MORN1: variants seen among roughly 807,000 people sequenced by gnomAD.
MORN1 encodes the protein MORN repeat-containing protein 1.
A neutral mutation model predicts 61.9 loss-of-function variants in MORN1; 67 were observed. That is an observed-to-expected ratio of 1.08 (90% CI 0.89 to 1.33). The LOEUF (loss-of-function observed/expected upper bound fraction) is 1.33, where lower values mean the gene tolerates loss of function less well. Among genes scored for constraint, MORN1 ranks in the 40% most tolerant of loss-of-function variants. The pLI, the probability that MORN1 is intolerant of heterozygous loss-of-function variation, is 0.00. For missense variants in MORN1, 752 were observed against 691.2 expected, an observed-to-expected ratio of 1.09 and a Z score of -0.99; for synonymous variants, 301 against 292.0, an observed-to-expected ratio of 1.03 and a Z score of -0.31.
intron 13 of MORN1, 144 bp from the exon 14 acceptor site, chr1:2,321,723 G>T (rs989405436): frequency 8.4e-7 from 1 of 1,183,530 alleles, no homozygotes; most frequent in Non-Finnish European, 1.1e-6. Context: ...GGGATTCTTG[G>T]CACTGTAACC....
At chr1:2,387,756 G>A (rs1218990473) in intron 3 of MORN1, 2 of 557,852 alleles carry the variant, frequency 3.6e-6, no homozygotes, top group Non-Finnish European at 6.4e-6. Context: ...CTCTCTTTGG[G>A]CATCTATCCC....
chr1:2,322,318 C>T (rs1490781257), intron 13 of MORN1: 74 of 985,406 alleles, frequency 7.5e-5, no homozygotes, highest in African/African-American at 3.1e-4. Context: ...AAAAGCGCCT[C>T]GGCTGGCCCG....
intron 12 of MORN1, among the ~76,000 whole-genome samples, chr1:2,325,146 C>CCTT (rs1640988125): frequency 5.2e-5 from 1 of 19,408 alleles, no homozygotes; most frequent in Non-Finnish European, 9.8e-5. Context: ...CTCCCTCCCT[C>CCTT]CCTTCCTTCC....
Position 2,384,628 on chromosome 1 carries a change from T to C in MORN1, c.537+350A>G, listed in dbSNP as rs550258746. Among the ~76,000 whole-genome samples, 116 of 152,322 alleles carry C rather than the reference T, an allele frequency of 7.6e-4. 1 individual carries two copies. Among genetic ancestry groups the C allele is most frequent in the African/African-American group, 2.7e-3 (114 of 41,570 alleles). On this transcript the variant is annotated intron_variant, in intron 6 of 13. Coordinates refer to ENST00000378531, the MANE Select transcript of MORN1 (RefSeq NM_024848.3). ...TCGGTGGAGAAGGCCCCGCCTCAGC[T>C]GCGCCACCAGTCTTATCCCCGTGAC...
At chr1:2,342,686 G>A (rs1641420764) in intron 10 of MORN1, among the ~76,000 whole-genome samples, 1 of 151,882 alleles carries the variant, frequency 6.6e-6, no homozygotes, top group Non-Finnish European at 1.5e-5. Flanking sequence ...TGGCTCTGCT[G>A]ACCCAAGCCA....
chr1:2,332,631 T>C (rs1396665010), intron 12 of MORN1: 3 of 456,506 alleles, frequency 6.6e-6, no homozygotes, highest in South Asian at 1.5e-5. Flanking sequence ...ACGTGGCGTC[T>C]GGACATGGAA....
rs1205972500 is a variant in MORN1 at position 2,387,510 on chromosome 1, C to T, written c.267G>A (p.Gln89=). 1 of 1,612,726 alleles carries T rather than the reference C, an allele frequency of 6.2e-7. No homozygotes were observed. Among genetic ancestry groups the T allele is most frequent in the Admixed American group, 1.7e-5 (1 of 60,026 alleles). The change falls in exon 4 of 14, where the codon CAG becomes CAA. Residue 89 remains glutamine, a synonymous_variant. Coordinates refer to ENST00000378531, the MANE Select transcript of MORN1 (RefSeq NM_024848.3). ...WAWSGDTFSG[Q]FVLGEPQGYG... is the part of the protein sequence containing the mutation. ...AGCCTTGAGGCTCTCCCAGAACAAA[C>T]TGTCCAGAGAAGGTGTCTCCTGCAT...
At chr1:2,387,151 T>C in intron 4 of MORN1, 1 of 515,362 alleles carries the variant, frequency 1.9e-6, no homozygotes, top group Non-Finnish European at 3.5e-6. Context: ...CAGTGGCCAT[T>C]TTAACCCCTA....
At chr1:2,322,962 G>A (rs1343365047) in intron 13 of MORN1, 10 of 985,310 alleles carry the variant, frequency 1.0e-5, no homozygotes, top group African/African-American at 1.7e-5. Context: ...TAGGGCCTCG[G>A]CCATACGTAC....
chr1:2,340,597 C>T (rs1017890073), intron 10 of MORN1, among the ~76,000 whole-genome samples: 7 of 152,238 alleles, frequency 4.6e-5, no homozygotes, highest in Admixed American at 2.0e-4. Context: ...CTGGTCCTGT[C>T]GCCCACTGCT....
intron 5 of MORN1, 49 bp from the exon 6 acceptor site, chr1:2,385,114 G>C: frequency 6.5e-7 from 1 of 1,539,606 alleles, no homozygotes; most frequent in Non-Finnish European, 8.8e-7. Context: ...GAGCCGGGTG[G>C]TGGCAGTGAC....
At chr1:2,385,199 CAAGAGCTCCTGCCT>C in intron 5 of MORN1, 134 bp from the exon 6 acceptor site, 1 of 883,224 alleles carries the variant, frequency 1.1e-6, no homozygotes, top group Non-Finnish European at 1.7e-6. Flanking sequence ...CAGATGGCCC[CAAGAGCTCCTGCCT>C]CGCCAGGGCC....
chr1:2,344,410 T>C lies in MORN1; in HGVS notation c.1037-7560A>G, dbSNP rs1224763444. ...CCCCCACAGGGCCACATTCTCACTA[T>C]TGGGGTGGCAGGAAGGCCCAGCGAC... On this transcript the variant is annotated intron_variant, in intron 10 of 13. Transcript: ENST00000378531. Among the ~76,000 whole-genome samples, 10 of 152,140 alleles carry C rather than the reference T, an allele frequency of 6.6e-5. No homozygotes were observed. The South Asian group carries it at 1.4e-3, about 22-fold the overall frequency.
At chr1:2,346,633 G>A (rs907580049) in intron 10 of MORN1, among the ~76,000 whole-genome samples, 7 of 152,260 alleles carry the variant, frequency 4.6e-5, no homozygotes, top group South Asian at 2.1e-4. Context: ...TGATCCACCC[G>A]CCTTGACCTC....
intron 12 of MORN1, among the ~76,000 whole-genome samples, chr1:2,325,286 T>C (rs968854367): frequency 2.3e-4 from 20 of 87,336 alleles, no homozygotes; most frequent in African/African-American, 8.2e-4. Flanking sequence ...TCTCTCTCTC[T>C]CCTCTCTCTC....
intron 6 of MORN1, among the ~76,000 whole-genome samples, chr1:2,383,593 G>A (rs115217673): frequency 0.02 from 3,015 of 152,312 alleles, 39 homozygotes; most frequent in African/African-American, 0.031. Context: ...AAGCAGCCCC[G>A]AGGCTCTAAG....
In MORN1 at chr1:2,343,946, T is replaced by A. The variant is rs532229838; in HGVS notation, c.1037-7096A>T. 1.5e-4 allele frequency among the ~76,000 whole-genome samples: 5 copies of A among 33,508 alleles called. No homozygotes were observed. In the South Asian group the frequency reaches 4.9e-3, roughly 33 times the overall value. The allele number at this position is 33,508 out of a possible 152,430, so 22.0% of individuals were successfully genotyped here. A position where few individuals can be genotyped will look rare whatever the true frequency, so the allele number is the denominator to read the frequency against. The stretch of plus-strand genomic sequence containing the variant: ...CGTAGGCCTCCCCTGCTGCCAGCTG[T>A]GGGGGTGACTGAGGCGGGACTGGGC... On this transcript the variant is annotated intron_variant, in intron 10 of 13. Transcript: ENST00000378531.
At chr1:2,347,582 A>G (rs1156500261) in intron 10 of MORN1, among the ~76,000 whole-genome samples, 1 of 152,016 alleles carries the variant, frequency 6.6e-6, no homozygotes, top group Non-Finnish European at 1.5e-5. Context: ...CAGATGACTT[A>G]GAACCACCAG....
At position 2,378,788 on chromosome 1, in the gene MORN1, G is replaced by A. The variant is rs975626376; in HGVS notation, c.538-4231C>T. 7 of 381,208 alleles carry A rather than the reference G, an allele frequency of 1.8e-5. 1 individual carries two copies. The highest frequency in any genetic ancestry group is 1.2e-4 in the South Asian group (6 of 51,784). 23.6% of individuals were successfully genotyped at this position (381,208 alleles called of 1,614,324 possible). A position where few individuals can be genotyped will look rare whatever the true frequency, so the allele number is the denominator to read the frequency against. ...CTGCCCAAGCCCTCGGGTCCTGGGAGGTCGAGCAGTAAGCTGTAAACTAGG... is the reference window on the plus strand; with the variant it reads ...CTGCCCAAGCCCTCGGGTCCTGGGAAGTCGAGCAGTAAGCTGTAAACTAGG... On this transcript the variant is annotated intron_variant, in intron 6 of 13. Transcript: ENST00000378531.
Sources: gnomAD v4.1 joint callset for allele counts (sites outside exome capture counted in the v4.1 genomes callset) on GRCh38, gnomAD v4.1.1 for gene constraint, MANE v1.5 for transcripts, NCBI Gene and HGNC (gene_info 2026-07-23, HGNC 2026-07-21) for gene names.